Variants in SLC52A3 observed in about 807,000 individuals in gnomAD.
SLC52A3 encodes the protein solute carrier family 52, riboflavin transporter, member 3.
Under a neutral mutation model 29.5 loss-of-function variants are expected in SLC52A3, and 20 were observed. That is an observed-to-expected ratio of 0.68 (90% CI 0.48 to 0.99). The LOEUF is 0.99. Ranked by LOEUF, SLC52A3 falls within the 50% of genes least tolerant of loss-of-function variation. The probability of loss-of-function intolerance (pLI) is 0.00; values close to 1 mark genes in which losing one functional copy is unlikely to be tolerated. For synonymous variants in SLC52A3, 301 were observed against 271.0 expected, an observed-to-expected ratio of 1.11 and a Z score of -1.09; for missense variants, 548 against 612.9, an observed-to-expected ratio of 0.89 and a Z score of 1.12.
rs113754514 is a variant in SLC52A3 at position 765,292 on chromosome 20, G to C, written c.483C>G (p.Ser161=). Residue 161 remains serine (S), a synonymous_variant, in exon 2 of 5, where the codon TCC becomes TCG. Transcript: ENST00000645534. The surrounding 1 kb of genome is among the most constrained non-coding windows in gnomAD (Gnocchi z 6.6). ...LPALVALAQG[S]GLTTCVNVTE... is the part of the protein sequence containing the mutation. ...TGACATTGACGCAGGTAGTGAGACC[G>C]GAGCCCTGGGCAAGAGCCACCAGGG... 1 of 1,614,132 alleles carries C rather than the reference G, an allele frequency of 6.2e-7. No homozygotes were observed. The highest frequency in any genetic ancestry group is 8.5e-7 in the Non-Finnish European group (1 of 1,180,022).
rs1407833208 is a variant in SLC52A3 at position 763,721 on chromosome 20, C to T, written c.850G>A (p.Gly284Ser). 1.9e-6 allele frequency: 3 copies of T among 1,614,120 alleles called. No individual in the cohort carries two copies. Among genetic ancestry groups the T allele is most frequent in the Non-Finnish European group, 2.5e-6 (3 of 1,179,984 alleles). ...GCTTTCTCCTCTAGATACCCCTGGCCCTGGCTGCTGTCCACCGTGCCTGCA... is the reference window on the plus strand; with the variant it reads ...GCTTTCTCCTCTAGATACCCCTGGCTCTGGCTGCTGTCCACCGTGCCTGCA... ...GPAGTVDSSQ[G>S]QGYLEEKAAP... Residue 284 changes from glycine (G) to serine (S), a missense_variant, in exon 3 of 5, where the codon GGC becomes AGC. Coordinates refer to ENST00000645534, the MANE Select transcript of SLC52A3 (RefSeq NM_033409.4).
rs76947760 is a variant in SLC52A3, at chr20:763,523, A to T, written c.1048T>A (p.Leu350Met). 4,532 of 1,614,064 alleles carry T rather than the reference A, an allele frequency of 2.8e-3. 103 individuals are homozygous for T. The African/African-American group carries it at 0.053, about 19-fold the overall frequency. ...LSIVANPLAS[L>M]VSMFLPNRSL... ...CTGTTAGGCAGGAACATGGAGACCA[A>T]CGAGGCAAGAGGGTTGGCCACAATG... Residue 350 changes from leucine to methionine, a missense_variant, in exon 3 of 5, where the codon TTG becomes ATG. Leu to Met is a conservative substitution (Grantham distance 15). Transcript: ENST00000645534.
chr20:779,277 T>C (rs1457447787), upstream of SLC52A3, among the ~76,000 whole-genome samples: 3 of 152,326 alleles, frequency 2.0e-5, no homozygotes, highest in African/African-American at 7.2e-5. Flanking sequence ...TTGTGTAAAT[T>C]GTAAAAATTT....
chr20:760,708 A>C lies in SLC52A3; in HGVS notation c.*318T>G. The stretch of plus-strand genomic sequence containing the variant: ...TCCCAAGGTCACACAGCCTGAAGGG[A>C]CAGCCGGCTGTCCCAGCTGTTTCCC... On this transcript the variant is annotated 3_prime_UTR_variant, in exon 5 of 5. Transcript: ENST00000645534. This position sits in a 1 kb window ranked among gnomAD's most constrained non-coding sequence, Gnocchi z 4.9. The C allele has an allele frequency of 7.6e-6, 3 of 396,192 alleles. No individual in the cohort carries two copies. The highest frequency in any genetic ancestry group is 1.4e-5 in the Non-Finnish European group (3 of 218,002). The allele number at this position is 396,192 out of a possible 1,614,324, so 24.5% of individuals were successfully genotyped here.
intron 4 of SLC52A3, 35 bp from the exon 5 acceptor site, chr20:761,273 G>T: frequency 6.6e-7 from 1 of 1,524,430 alleles, no homozygotes; most frequent in Non-Finnish European, 8.8e-7. Flanking sequence ...GCAGAGTCAC[G>T]GGGCTTGCGG....
At chr20:767,878 G>C (rs187799262) in intron 1 of SLC52A3, among the ~76,000 whole-genome samples, 3 of 152,262 alleles carry the variant, frequency 2.0e-5, no homozygotes, top group Admixed American at 1.3e-4. Flanking sequence ...CAGCCCACCT[G>C]TGCTGTTACT....
At chr20:763,062 C>T (rs77849326) in intron 3 of SLC52A3, among the ~76,000 whole-genome samples, 8 of 152,336 alleles carry the variant, frequency 5.3e-5, no homozygotes, top group East Asian at 1.9e-4. Flanking sequence ...AAGGCAGGGC[C>T]GAAATCCTGG....
At position 763,523 on chromosome 20, in the gene SLC52A3, A is replaced by G. The variant is rs76947760; in HGVS notation, c.1048T>C (p.Leu350=). The G allele has an allele frequency of 1.9e-6, 3 of 1,614,068 alleles. No individual in the cohort carries two copies. The highest frequency in any genetic ancestry group is 2.2e-5 in the East Asian group (1 of 44,886). ...LSIVANPLAS[L]VSMFLPNRSL... ...CTGTTAGGCAGGAACATGGAGACCA[A>G]CGAGGCAAGAGGGTTGGCCACAATG... Residue 350 remains leucine, a synonymous_variant, in exon 3 of 5, where the codon TTG becomes CTG. Coordinates refer to ENST00000645534, the MANE Select transcript of SLC52A3 (RefSeq NM_033409.4).
In SLC52A3 at chr20:765,344, C is replaced by T; in HGVS notation, c.431G>A (p.Gly144Asp). The change falls in exon 2 of 5, where the codon GGT (glycine) becomes GAT (aspartate). Residue 144 changes from glycine to aspartate, a missense_variant. Around this residue, in one of 2 missense-constraint regions of SLC52A3, gnomAD observed 375 missense variants for 471.1 expected, o/e 0.80. Coordinates refer to ENST00000645534, the MANE Select transcript of SLC52A3 (RefSeq NM_033409.4). This position sits in a 1 kb window ranked among gnomAD's most constrained non-coding sequence, Gnocchi z 6.6. ...GGGCAAGAGGCCGCTGAGTCCTTCA[C>T]CCACAAAGAAGGTGGTGAGGTAGTA... ...PTYYLTTFFV[G>D]EGLSGLLPAL... 1 of 1,614,082 alleles carries T rather than the reference C, an allele frequency of 6.2e-7. No homozygotes were observed. The highest frequency in any genetic ancestry group is 8.5e-7 in the Non-Finnish European group (1 of 1,180,004).
At chr20:761,484 C>T in intron 4 of SLC52A3, 2 of 740,728 alleles carry the variant, frequency 2.7e-6, no homozygotes, top group Non-Finnish European at 2.2e-6. Flanking sequence ...AGAGAAGGCC[C>T]CTGCTGAGGT....
At chr20:776,162 G>A (rs1371388310), upstream of SLC52A3, 1 of 152,226 alleles carries the variant, frequency 6.6e-6, no homozygotes, top group Non-Finnish European at 1.5e-5. Flanking sequence ...ATAATAAAGG[G>A]CTTGCTTTAT....
chr20:763,346 T>G (rs1986551893), intron 3 of SLC52A3, 152 bp downstream of exon 3: 1 of 977,250 alleles, frequency 1.0e-6, no homozygotes. Context: ...TACACACAGC[T>G]GACAGGTGGC....
At position 765,432 on chromosome 20, in the gene SLC52A3, G is replaced by A. The variant is rs766941389; in HGVS notation, c.343C>T (p.Leu115=). ...SIAFLVLTFF[L]ALVDCTSSVT... ...GAAGAGGTGCAGTCCACCAGGGCCAGGAAGAAGGTGAGGACCAAGAAGGCG... is the reference window on the plus strand; with the variant it reads ...GAAGAGGTGCAGTCCACCAGGGCCAAGAAGAAGGTGAGGACCAAGAAGGCG... Residue 115 remains leucine, a synonymous_variant, in exon 2 of 5, where the codon CTG becomes TTG. Transcript: ENST00000645534. The surrounding 1 kb of genome is among the most constrained non-coding windows in gnomAD (Gnocchi z 6.6). 6.2e-7 allele frequency: 1 copy of A among 1,613,292 alleles called. No individual in the cohort carries two copies. The highest frequency in any genetic ancestry group is 8.5e-7 in the Non-Finnish European group (1 of 1,179,630).
At chr20:772,404 A>G (rs1986868856), upstream of SLC52A3, among the ~76,000 whole-genome samples, 1 of 152,178 alleles carries the variant, frequency 6.6e-6, no homozygotes, top group African/African-American at 2.4e-5. Flanking sequence ...CTTCCTCAAA[A>G]GTGAGGTGTG....
chr20:763,457 G>A (rs778091395), intron 3 of SLC52A3, 41 bp downstream of exon 3: 3 of 1,612,852 alleles, frequency 1.9e-6, no homozygotes, highest in Admixed American at 1.7e-5. Flanking sequence ...GAAATGAAGT[G>A]TTCCCCCACT....
At chr20:775,526 T>C (rs1986989341) in intron 1 of SLC52A3, among the ~76,000 whole-genome samples, 1 of 152,122 alleles carries the variant, frequency 6.6e-6, no homozygotes, top group Non-Finnish European at 1.5e-5. Flanking sequence ...GCGATTCACC[T>C]GCCTCAGTCT....
chr20:778,888 A>G (rs1016478200), upstream of SLC52A3, among the ~76,000 whole-genome samples: 12 of 152,182 alleles, frequency 7.9e-5, no homozygotes, highest in African/African-American at 2.9e-4. Context: ...CCACAATTTC[A>G]TACTTATCTC....
intron 1 of SLC52A3, among the ~76,000 whole-genome samples, chr20:774,223 C>T (rs535099281): frequency 2.6e-4 from 40 of 152,320 alleles, no homozygotes; most frequent in African/African-American, 8.4e-4. Flanking sequence ...GGAGGAAACC[C>T]GCCTCAGCTA....
rs551722690 is a variant in SLC52A3 at position 765,331 on chromosome 20, G to A, written c.444C>T (p.Ser148=). Residue 148 remains serine, a synonymous_variant, in exon 2 of 5, where the codon AGC becomes AGT. Coordinates refer to ENST00000645534, the MANE Select transcript of SLC52A3 (RefSeq NM_033409.4). The surrounding 1 kb of genome is among the most constrained non-coding windows in gnomAD (Gnocchi z 6.6). The part of the protein sequence containing the change: ...LTTFFVGEGL[S]GLLPALVALA... ...GAGCCACCAGGGCGGGCAAGAGGCC[G>A]CTGAGTCCTTCACCCACAAAGAAGG... 2.4e-5 allele frequency: 39 copies of A among 1,614,086 alleles called. No homozygotes were observed. The South Asian group carries it at 2.5e-4, about 10-fold the overall frequency.
Sources: gnomAD v4.1 joint callset for allele counts (sites outside exome capture counted in the v4.1 genomes callset) on GRCh38, gnomAD v4.1.1 for gene constraint, gnomAD v4.1.1 regional missense constraint, Gnocchi (gnomAD v3.1) non-coding constraint, MANE v1.5 for transcripts, NCBI Gene and HGNC (gene_info 2026-07-23, HGNC 2026-07-21) for gene names.